Variants in CCDC178 observed in about 807,000 individuals in gnomAD.
The protein encoded by CCDC178 is coiled-coil domain-containing protein 178.
In CCDC178, 126 loss-of-function variants were observed where a neutral mutation model predicts 117.4. The ratio of observed to expected loss-of-function variants is 1.07; its 90% CI spans 0.93 to 1.24. The LOEUF is 1.24. CCDC178 is among the 50% of genes most tolerant of loss of function. The probability of loss-of-function intolerance (pLI) is 0.00; values close to 1 mark genes in which losing one functional copy is unlikely to be tolerated. For missense variants in CCDC178, 1,030 were observed against 986.9 expected, an observed-to-expected ratio of 1.04 and a Z score of -0.59; for synonymous variants, 283 against 313.4, an observed-to-expected ratio of 0.90 and a Z score of 1.02.
intron 14 of CCDC178, among the ~76,000 whole-genome samples, chr18:33,263,554 G>GA (rs1359842654): frequency 1.3e-5 from 2 of 152,024 alleles, no homozygotes; most frequent in Admixed American, 1.3e-4. Flanking sequence ...TAGTAAGAAG[G>GA]AAAAAATTCA....
At chr18:33,051,164 C>T (rs576576643) in intron 21 of CCDC178, among the ~76,000 whole-genome samples, 43 of 152,162 alleles carry the variant, frequency 2.8e-4, no homozygotes, top group African/African-American at 9.2e-4. Flanking sequence ...CCTCCTGCCT[C>T]GGCTCCCAAA....
At chr18:32,960,216 G>A (rs941614202) in intron 22 of CCDC178, among the ~76,000 whole-genome samples, 7 of 152,022 alleles carry the variant, frequency 4.6e-5, no homozygotes, top group African/African-American at 1.7e-4. Flanking sequence ...GTGATCCAAG[G>A]CTACACTTTT....
intron 20 of CCDC178, among the ~76,000 whole-genome samples, chr18:33,190,539 A>G (rs573682223): frequency 9.9e-4 from 151 of 152,312 alleles, no homozygotes; most frequent in African/African-American, 3.4e-3. Flanking sequence ...TTCTCTAAGT[A>G]TATGTGTTTA....
chr18:33,023,891 T>C (rs968304603), intron 21 of CCDC178, among the ~76,000 whole-genome samples: 4 of 152,112 alleles, frequency 2.6e-5, no homozygotes, highest in African/African-American at 9.7e-5. Flanking sequence ...GTTACTAATA[T>C]CAGAAACAAA....
chr18:32,955,019 A>G (rs189670639), intron 22 of CCDC178, among the ~76,000 whole-genome samples: 17 of 152,298 alleles, frequency 1.1e-4, no homozygotes, highest in African/African-American at 4.1e-4. Flanking sequence ...TAGCTGTCCA[A>G]ATTGAGTTCC....
chr18:33,306,195 A>G (rs568119687), intron 11 of CCDC178, among the ~76,000 whole-genome samples: 54 of 26,418 alleles, frequency 2.0e-3, no homozygotes, highest in African/African-American at 4.2e-3. Context: ...AAAAGGTAAA[A>G]GAGCCTTTTC....
intron 20 of CCDC178, among the ~76,000 whole-genome samples, chr18:33,187,569 T>C (rs944811133): frequency 1.3e-5 from 2 of 152,054 alleles, no homozygotes; most frequent in South Asian, 4.1e-4. Flanking sequence ...CCTTTAAGTA[T>C]GCACCACATA....
In CCDC178 at chr18:33,079,521, A is replaced by T. The variant is rs1260835442; in HGVS notation, c.2388+13240T>A. On this transcript the variant is annotated intron_variant, in intron 21 of 22. Transcript: ENST00000383096. ...ACAATATGGGAGAAAATTTTTGCAA[A>T]CTGCACATCTGACCAAGTTTAATAT... 2.0e-5 allele frequency among the ~76,000 whole-genome samples: 3 copies of T among 152,296 alleles called. No individual in the cohort carries two copies. The East Asian group carries it at 5.8e-4, about 29-fold the overall frequency.
At chr18:32,961,940 A>G (rs2054712883) in intron 22 of CCDC178, among the ~76,000 whole-genome samples, 1 of 151,024 alleles carries the variant, frequency 6.6e-6, no homozygotes, top group Admixed American at 6.6e-5. Context: ...ATTTAGATCT[A>G]TTGTTATTTT....
chr18:33,239,621 A>T (rs1334194347), intron 15 of CCDC178, among the ~76,000 whole-genome samples: 1 of 152,016 alleles, frequency 6.6e-6, no homozygotes, highest in Non-Finnish European at 1.5e-5. Context: ...AAAGGAAAAC[A>T]TATACTAAAA....
intron 15 of CCDC178, among the ~76,000 whole-genome samples, chr18:33,235,308 T>C (rs551415636): frequency 4.6e-5 from 7 of 152,274 alleles, no homozygotes; most frequent in African/African-American, 1.4e-4. Flanking sequence ...TATGATTATT[T>C]TGAAGCTTTC....
chr18:33,307,206 G>A (rs965716539), intron 11 of CCDC178, among the ~76,000 whole-genome samples: 10 of 152,198 alleles, frequency 6.6e-5, no homozygotes, highest in African/African-American at 2.4e-4. Flanking sequence ...GGAGGACTCA[G>A]AAGAAGACAG....
chr18:33,260,722 A>G (rs2059735367), intron 14 of CCDC178, among the ~76,000 whole-genome samples: 1 of 151,874 alleles, frequency 6.6e-6, no homozygotes, highest in East Asian at 1.9e-4. Flanking sequence ...AAACTTTCAC[A>G]TTTACAACTA....
At chr18:33,146,009 G>C (rs1459873759) in intron 20 of CCDC178, among the ~76,000 whole-genome samples, 4 of 152,110 alleles carry the variant, frequency 2.6e-5, no homozygotes, top group African/African-American at 9.7e-5. Context: ...CAAACTAAAA[G>C]CCAAAAAACT....
intron 5 of CCDC178, among the ~76,000 whole-genome samples, chr18:33,375,735 T>C (rs2063355939): frequency 6.6e-6 from 1 of 152,116 alleles, no homozygotes; most frequent in South Asian, 2.1e-4. Context: ...GTACAAGCAG[T>C]GAAAATGATG....
At chr18:33,371,146 T>G (rs2063292686) in intron 5 of CCDC178, among the ~76,000 whole-genome samples, 1 of 152,040 alleles carries the variant, frequency 6.6e-6, no homozygotes, top group African/African-American at 2.4e-5. Context: ...TGCAATCTTT[T>G]AAATATCTTT....
At chr18:33,208,431 T>C (rs1165665367) in intron 20 of CCDC178, among the ~76,000 whole-genome samples, 1 of 152,100 alleles carries the variant, frequency 6.6e-6, no homozygotes, top group Non-Finnish European at 1.5e-5. Flanking sequence ...ATTTACTGTT[T>C]GTAATTTGGA....
At position 33,346,345 on chromosome 18, in the gene CCDC178, T is replaced by C. The variant is rs2062893241; in HGVS notation, c.524A>G (p.Lys175Arg). ...GTCTGCCCGGTCAGTTTCTAGACTT[T>C]TAATGAGACGAATGGCCTCTGAGAG... ...TLLSEAIRLI[K>R]SLETDRADAE... Residue 175 changes from lysine to arginine, a missense_variant, in exon 9 of 23, where the codon AAA becomes AGA. By Grantham distance (26) the Lys-to-Arg change is conservative. Coordinates refer to ENST00000383096, the MANE Select transcript of CCDC178 (RefSeq NM_001105528.4). The C allele has an allele frequency of 1.9e-6, 3 of 1,613,874 alleles. No individual in the cohort carries two copies. Among genetic ancestry groups the C allele is most frequent in the East Asian group, 4.5e-5 (2 of 44,862 alleles).
At chr18:33,275,859 T>C (rs1425379946) in intron 12 of CCDC178, among the ~76,000 whole-genome samples, 2 of 151,932 alleles carry the variant, frequency 1.3e-5, no homozygotes, top group Non-Finnish European at 2.9e-5. Flanking sequence ...CCCTGATTGA[T>C]ATTATGACAT....
Sources: allele counts gnomAD v4.1 joint callset (sites outside exome capture counted in the v4.1 genomes callset), GRCh38; gene constraint gnomAD v4.1.1; transcripts MANE v1.5; gene names NCBI Gene and HGNC (gene_info 2026-07-23, HGNC 2026-07-21).